The following CEP57L1 variants were observed in gnomAD, a reference collection of about 807,000 sequenced individuals.
CEP57L1 encodes centrosomal protein CEP57L1.
In CEP57L1, 37 loss-of-function variants were observed where a neutral mutation model predicts 61.0. The observed-to-expected ratio is 0.61, with a 90% CI of 0.47 to 0.80. CEP57L1 has a LOEUF of 0.80. Ranked by LOEUF, CEP57L1 falls within the 30% of genes least tolerant of loss-of-function variation. The pLI, the probability that CEP57L1 is intolerant of heterozygous loss-of-function variation, is 0.00. For missense variants in CEP57L1, 422 were observed against 524.7 expected, an observed-to-expected ratio of 0.80 and a Z score of 1.91; for synonymous variants, 137 against 162.3, an observed-to-expected ratio of 0.84 and a Z score of 1.19.
intron 1 of CEP57L1, among the ~76,000 whole-genome samples, chr6:109,133,037 C>T (rs116475922): frequency 0.017 from 2,578 of 152,260 alleles, 86 homozygotes; most frequent in African/African-American, 0.059. Context: ...CCAAGTTAGA[C>T]TGTCTGAGAA....
intron 1 of CEP57L1, among the ~76,000 whole-genome samples, chr6:109,104,455 A>G (rs865894652): frequency 1.3e-5 from 2 of 152,234 alleles, no homozygotes; most frequent in Non-Finnish European, 2.9e-5. Flanking sequence ...ACACAGGATC[A>G]CATTTTTCAA....
intron 1 of CEP57L1, chr6:109,140,330 C>T (rs1771212492): frequency 6.6e-6 from 1 of 151,332 alleles, no homozygotes; most frequent in African/African-American, 2.4e-5. Context: ...CTTTGTTCTT[C>T]ATTGCACTTA....
chr6:109,096,932 A>G (rs1417458317), intron 1 of CEP57L1, among the ~76,000 whole-genome samples: 1 of 152,212 alleles, frequency 6.6e-6, no homozygotes, highest in East Asian at 1.9e-4. Flanking sequence ...TCTCAAATGA[A>G]TAGCTCCATT....
chr6:109,115,700 C>T (rs973902915), intron 1 of CEP57L1, among the ~76,000 whole-genome samples: 12 of 151,880 alleles, frequency 7.9e-5, no homozygotes, highest in African/African-American at 2.7e-4. Flanking sequence ...AGTTAGAGTC[C>T]GGAGACCTGG....
intron 9 of CEP57L1, 140 bp from the exon 10 acceptor site, chr6:109,160,432 C>T (rs1003850706): frequency 1.7e-6 from 1 of 592,560 alleles, no homozygotes; most frequent in Non-Finnish European, 2.9e-6. Flanking sequence ...CTTAATTAAC[C>T]CTAAAGAAAG....
intron 1 of CEP57L1, among the ~76,000 whole-genome samples, chr6:109,116,247 G>A (rs1026816194): frequency 8.2e-4 from 125 of 151,868 alleles, no homozygotes; most frequent in African/African-American, 2.6e-3. Context: ...GCATGATCTC[G>A]GCTCACTGCA....
intron 1 of CEP57L1, among the ~76,000 whole-genome samples, chr6:109,113,490 C>G (rs1771918572): frequency 6.6e-6 from 1 of 152,142 alleles, no homozygotes; most frequent in African/African-American, 2.4e-5. Flanking sequence ...GATACCCCCT[C>G]ATATCTTTAC....
intron 10 of CEP57L1, among the ~76,000 whole-genome samples, chr6:109,161,471 A>T (rs914557514): frequency 4.6e-5 from 7 of 152,182 alleles, no homozygotes; most frequent in Non-Finnish European, 1.0e-4. Context: ...CATTCATATA[A>T]GTTAGTGATA....
At chr6:109,133,765 C>T (rs182066389) in intron 1 of CEP57L1, among the ~76,000 whole-genome samples, 2 of 152,178 alleles carry the variant, frequency 1.3e-5, no homozygotes, top group Non-Finnish European at 2.9e-5. Flanking sequence ...AAACTGCCAT[C>T]AGAGAATACT....
intron 1 of CEP57L1, among the ~76,000 whole-genome samples, chr6:109,116,484 C>G (rs1213676025): frequency 6.6e-6 from 1 of 152,074 alleles, no homozygotes; most frequent in Non-Finnish European, 1.5e-5. Context: ...CTCCCATAAG[C>G]ATTTTAGAGA....
intron 2 of CEP57L1, among the ~76,000 whole-genome samples, chr6:109,146,031 C>T (rs1771925077): frequency 6.6e-6 from 1 of 151,704 alleles, no homozygotes; most frequent in South Asian, 2.1e-4. Flanking sequence ...AATCAATGTG[C>T]CAGCTACAGA....
At chr6:109,145,086 ATAAT>A (rs1327724868) in intron 1 of CEP57L1, 129 bp from the exon 2 acceptor site, 4 of 512,730 alleles carry the variant, frequency 7.8e-6, no homozygotes, top group Middle Eastern at 5.6e-4. Flanking sequence ...AGTTGAATTT[ATAAT>A]TAAGTTCATA....
At chr6:109,129,626 C>A (rs1406950370) in intron 1 of CEP57L1, 2 of 413,156 alleles carry the variant, frequency 4.8e-6, no homozygotes, top group African/African-American at 4.1e-5. Context: ...GTGGCTAATT[C>A]CTGAGCCATT....
intron 7 of CEP57L1, 39 bp from the exon 8 acceptor site, chr6:109,158,986 A>G: frequency 1.3e-6 from 2 of 1,571,648 alleles, no homozygotes; most frequent in Non-Finnish European, 1.7e-6. Context: ...AACTTTTAAA[A>G]TAATTTCTTG....
chr6:109,142,128 C>A (rs959540286), intron 1 of CEP57L1, among the ~76,000 whole-genome samples: 1 of 152,044 alleles, frequency 6.6e-6, no homozygotes, highest in Non-Finnish European at 1.5e-5. Context: ...ATTGGGGTAT[C>A]TTAATTTTAT....
chr6:109,157,458 T>C (rs1773322909), intron 7 of CEP57L1: 1 of 152,180 alleles, frequency 6.6e-6, no homozygotes, highest in Non-Finnish European at 1.5e-5. Context: ...AGAAGATTAA[T>C]AGAGGTTTAA....
At chr6:109,102,124 T>C (rs1054648802) in intron 1 of CEP57L1, among the ~76,000 whole-genome samples, 5 of 152,238 alleles carry the variant, frequency 3.3e-5, no homozygotes, top group Non-Finnish European at 7.3e-5. Flanking sequence ...ATACGCCTAT[T>C]TGCTGCCTGT....
chr6:109,114,843 A>C (rs1161805459), intron 1 of CEP57L1, among the ~76,000 whole-genome samples: 3 of 152,162 alleles, frequency 2.0e-5, no homozygotes, highest in Admixed American at 2.0e-4. Flanking sequence ...TAAAAGAGAT[A>C]ATTTTAAATA....
Position 109,130,222 on chromosome 6 carries a change from C to T in CEP57L1, c.-3-14997C>T, listed in dbSNP as rs78306599. On this transcript the variant is annotated intron_variant, in intron 1 of 10. Coordinates refer to ENST00000517392, the MANE Select transcript of CEP57L1 (RefSeq NM_001271852.3). ...AACTCTGTAACTCATTTCACTCCCC[C>T]CCAGCAACCACCATTCTACCTTCTG... Among the ~76,000 whole-genome samples the T allele has an allele frequency of 2.4e-3, 366 of 152,280 alleles. 1 individual carries two copies. The highest frequency in any genetic ancestry group is 8.3e-3 in the African/African-American group (344 of 41,546).
Sources: allele counts gnomAD v4.1 joint callset (sites outside exome capture counted in the v4.1 genomes callset), GRCh38; gene constraint gnomAD v4.1.1; transcripts MANE v1.5; gene names NCBI Gene and HGNC (gene_info 2026-07-23, HGNC 2026-07-21).